The following RETREG1 variants were observed in gnomAD, a reference collection of about 807,000 sequenced individuals.
RETREG1 encodes reticulophagy regulator 1, also known as family with sequence similarity 134 member B.
A neutral mutation model predicts 54.8 loss-of-function variants in RETREG1; 44 were observed. The ratio of observed to expected loss-of-function variants is 0.80; its 90% confidence interval spans 0.63 to 1.03. RETREG1 has a LOEUF of 1.03. Among genes scored for constraint, RETREG1 ranks in the 50% least tolerant of loss-of-function variants. The pLI is 0.00. For synonymous variants in RETREG1, 217 were observed against 238.5 expected, an observed-to-expected ratio of 0.91 and a Z score of 0.83; for missense variants, 554 against 605.1, an observed-to-expected ratio of 0.92 and a Z score of 0.89.
At chr5:16,604,158 G>A (rs1015855941) in intron 1 of RETREG1, among the ~76,000 whole-genome samples, 2 of 152,120 alleles carry the variant, frequency 1.3e-5, no homozygotes, top group African/African-American at 2.4e-5. Context: ...AGAAGCAGAG[G>A]GAAGAAGTCA....
intron 1 of RETREG1, among the ~76,000 whole-genome samples, chr5:16,581,482 A>G (rs532197782): frequency 6.6e-6 from 1 of 151,950 alleles, no homozygotes; most frequent in East Asian, 1.9e-4. Flanking sequence ...AGTGACCAAT[A>G]AAGGCTTTTT....
chr5:16,592,636 C>T (rs1742805375), intron 1 of RETREG1, among the ~76,000 whole-genome samples: 1 of 151,990 alleles, frequency 6.6e-6, no homozygotes, highest in African/African-American at 2.4e-5. Flanking sequence ...ATAGCAAAGA[C>T]ACAGAATCAA....
intron 1 of RETREG1, among the ~76,000 whole-genome samples, chr5:16,574,047 G>A (rs1338651073): frequency 6.6e-6 from 1 of 152,068 alleles, no homozygotes; most frequent in African/African-American, 2.4e-5. Context: ...ACGCCCGGCT[G>A]GGAAGTTTTT....
intron 3 of RETREG1, among the ~76,000 whole-genome samples, chr5:16,503,100 A>C (rs1423552503): frequency 6.6e-6 from 1 of 152,216 alleles, no homozygotes; most frequent in African/African-American, 2.4e-5. Flanking sequence ...TATAAAACAG[A>C]AATCAGCTTT....
At chr5:16,592,379 A>G (rs1441583583) in intron 1 of RETREG1, among the ~76,000 whole-genome samples, 2 of 152,226 alleles carry the variant, frequency 1.3e-5, no homozygotes, top group African/African-American at 4.8e-5. Context: ...CAAAATGGCT[A>G]TTACAAAAAA....
chr5:16,616,373 A>C, intron 1 of RETREG1: 5 of 436,694 alleles, frequency 1.1e-5, no homozygotes, highest in Non-Finnish European at 1.6e-5. Flanking sequence ...CACGATGGGA[A>C]CACCTGTAGG....
At position 16,615,876 on chromosome 5, in the gene RETREG1, A is replaced by G. The variant is rs533623836; in HGVS notation, c.320+776T>C. On this transcript the variant is annotated intron_variant, in intron 1 of 8. Transcript: ENST00000306320. The stretch of plus-strand genomic sequence containing the variant: ...TGTTATGAGGACACTTAGCAAACAA[A>G]GAAGGTTTTTCTCCGCCCTCAATAG... 4.6e-5 allele frequency: 7 copies of G among 152,360 alleles called. No homozygotes were observed. In the East Asian group the frequency reaches 1.4e-3, roughly 29 times the overall value. The allele number at this position is 152,360 out of a possible 1,614,324, so 9.4% of individuals were successfully genotyped here. A position where few individuals can be genotyped will look rare whatever the true frequency, so the allele number is the denominator to read the frequency against.
intron 3 of RETREG1, among the ~76,000 whole-genome samples, chr5:16,538,420 C>G (rs990906321): frequency 1.3e-5 from 2 of 152,150 alleles, no homozygotes; most frequent in Admixed American, 6.5e-5. Context: ...TAATGATGAT[C>G]GCTAAAGTGA....
intron 1 of RETREG1, among the ~76,000 whole-genome samples, chr5:16,615,632 AG>A (rs1299568530): frequency 6.6e-6 from 1 of 152,178 alleles, no homozygotes; most frequent in East Asian, 1.9e-4. Context: ...ATTCACTTTC[AG>A]GGACCTCCGA....
At chr5:16,552,148 C>T (rs115959148) in intron 3 of RETREG1, among the ~76,000 whole-genome samples, 2 of 152,104 alleles carry the variant, frequency 1.3e-5, no homozygotes, top group African/African-American at 4.8e-5. Context: ...ATTCAGCCTG[C>T]CCCAAACACA....
At chr5:16,500,463 T>G (rs1424055571) in intron 3 of RETREG1, among the ~76,000 whole-genome samples, 2 of 152,126 alleles carry the variant, frequency 1.3e-5, no homozygotes, top group Non-Finnish European at 1.5e-5. Context: ...TAATGTCATG[T>G]GGAAGAAGAC....
intron 2 of RETREG1, among the ~76,000 whole-genome samples, chr5:16,571,724 T>C (rs1742176322): frequency 1.3e-5 from 2 of 152,150 alleles, no homozygotes; most frequent in Admixed American, 6.5e-5. Context: ...TATTTAACTG[T>C]TATCCTCACT....
chr5:16,505,161 G>C (rs1739898841), intron 3 of RETREG1, among the ~76,000 whole-genome samples: 1 of 152,130 alleles, frequency 6.6e-6, no homozygotes, highest in African/African-American at 2.4e-5. Context: ...ATCACAAAAG[G>C]CCTGTGAGGA....
chr5:16,533,146 G>A (rs551492696), intron 3 of RETREG1, among the ~76,000 whole-genome samples: 6 of 152,046 alleles, frequency 3.9e-5, no homozygotes, highest in Non-Finnish European at 7.4e-5. Context: ...CCGGGTTCAC[G>A]CCATTCTCCT....
At chr5:16,551,006 T>C (rs569643576) in intron 3 of RETREG1, among the ~76,000 whole-genome samples, 90 of 152,344 alleles carry the variant, frequency 5.9e-4, no homozygotes, top group African/African-American at 2.1e-3. Context: ...GGAAATGTTC[T>C]GGAACTAGAC....
rs78776381 is a variant in RETREG1 at position 16,534,556 on chromosome 5, C to A, written c.458+31207G>T. ...CCATGCTTATTTCAGCTGACATTAT[C>A]AAGGCCAAGGCAATCATGTGATAAT... On this transcript the variant is annotated intron_variant, in intron 3 of 8. Coordinates refer to ENST00000306320, the MANE Select transcript of RETREG1 (RefSeq NM_001034850.3). Among the ~76,000 whole-genome samples, 288 of 152,296 alleles carry A rather than the reference C, an allele frequency of 1.9e-3. 13 individuals carry two copies. In the East Asian group the frequency reaches 0.052, roughly 28 times the overall value.
chr5:16,568,040 C>T (rs762222149), intron 2 of RETREG1, among the ~76,000 whole-genome samples: 6 of 152,040 alleles, frequency 3.9e-5, no homozygotes, highest in African/African-American at 7.2e-5. Flanking sequence ...GAGAATGAAG[C>T]TAGTCATGGA....
intron 3 of RETREG1, among the ~76,000 whole-genome samples, chr5:16,557,918 G>C (rs1353285252): frequency 6.6e-6 from 1 of 152,106 alleles, no homozygotes; most frequent in Non-Finnish European, 1.5e-5. Context: ...ATGATATTAA[G>C]ATGTGATTAA....
At chr5:16,614,924 T>C (rs898530309) in intron 1 of RETREG1, among the ~76,000 whole-genome samples, 3 of 152,160 alleles carry the variant, frequency 2.0e-5, no homozygotes, top group Non-Finnish European at 4.4e-5. Context: ...TGCTGAAATG[T>C]GCACTATCTG....
Sources: allele counts gnomAD v4.1 joint callset (sites outside exome capture counted in the v4.1 genomes callset), GRCh38; gene constraint gnomAD v4.1.1; transcripts MANE v1.5; gene names NCBI Gene and HGNC (gene_info 2026-07-23, HGNC 2026-07-21).